RSPH3: variants seen among roughly 807,000 people sequenced by gnomAD.
RSPH3 encodes radial spoke head 3.
Under a neutral mutation model 43.8 loss-of-function variants are expected in RSPH3, and 21 were observed. The observed-to-expected ratio is 0.48, with a 90% confidence interval of 0.34 to 0.69. The LOEUF (loss-of-function observed/expected upper bound fraction) is 0.69. Ranked by LOEUF, RSPH3 falls within the 30% of genes least tolerant of loss-of-function variation. RSPH3 has a pLI of 0.01. For synonymous variants in RSPH3, 173 were observed against 179.8 expected, an observed-to-expected ratio of 0.96 and a Z score of 0.30; for missense variants, 487 against 516.0, an observed-to-expected ratio of 0.94 and a Z score of 0.54.
intron 2 of RSPH3, among the ~76,000 whole-genome samples, chr6:158,990,009 G>A (rs150936805): frequency 0.011 from 1,627 of 152,172 alleles, 25 homozygotes; most frequent in African/African-American, 0.036. Context: ...AGAGAGACTG[G>A]CCTAGCCCCC....
intron 2 of RSPH3, among the ~76,000 whole-genome samples, chr6:158,992,457 G>T (rs373402423): frequency 1.1e-3 from 144 of 127,892 alleles, no homozygotes; most frequent in East Asian, 8.3e-3. Flanking sequence ...TTTTTGTGGG[G>T]TTTTTTTTTT....
intron 6 of RSPH3, among the ~76,000 whole-genome samples, chr6:158,980,385 C>A (rs1000789900): frequency 6.6e-6 from 1 of 151,192 alleles, no homozygotes; most frequent in African/African-American, 2.4e-5. Context: ...GCCAAGATTG[C>A]GCCACTACAC....
At chr6:158,979,814 T>G (rs1562559075) in intron 6 of RSPH3, among the ~76,000 whole-genome samples, 1 of 151,900 alleles carries the variant, frequency 6.6e-6, no homozygotes. Context: ...CTGAGGAAGG[T>G]GGGTGGTGGT....
chr6:158,999,776 C>A lies in RSPH3; in HGVS notation c.-226G>T. 6.2e-7 allele frequency: 1 copy of A among 1,611,500 alleles called. No homozygotes were observed. Among genetic ancestry groups the A allele is most frequent in the Non-Finnish European group, 8.5e-7 (1 of 1,178,250 alleles). ...CACCACAGAGACCAGCTGCGGGGGC[C>A]GCATCGGTTGCCCAGCAACCCAGGG... On this transcript the variant is annotated 5_prime_UTR_variant, in exon 1 of 8. Transcript: ENST00000367069.
intron 2 of RSPH3, among the ~76,000 whole-genome samples, chr6:158,990,949 A>G (rs993185303): frequency 7.4e-6 from 1 of 134,536 alleles, no homozygotes; most frequent in African/African-American, 2.8e-5. Context: ...TTCTTCATTG[A>G]TTCTTCTTCA....
intron 7 of RSPH3, 80 bp from the exon 8 acceptor site, chr6:158,977,928 T>C (rs1777904842): frequency 1.6e-6 from 2 of 1,277,868 alleles, no homozygotes; most frequent in Non-Finnish European, 2.2e-6. Flanking sequence ...CACTTATAGA[T>C]GATTACAAAA....
At chr6:158,991,894 A>T (rs1333019467) in intron 2 of RSPH3, among the ~76,000 whole-genome samples, 1 of 152,222 alleles carries the variant, frequency 6.6e-6, no homozygotes, top group East Asian at 1.9e-4. Flanking sequence ...CTTTATGATG[A>T]TACAAAAGTA....
Position 158,989,252 on chromosome 6 carries a change from G to T in RSPH3, c.205-2831C>A, listed in dbSNP as rs765011529. ...AGTAGACGTGGGGTTTCATCATATTGGTCAGGCTGGTCTCGAACTAATGAC... is the reference window on the plus strand; with the variant it reads ...AGTAGACGTGGGGTTTCATCATATTTGTCAGGCTGGTCTCGAACTAATGAC... On this transcript the variant is annotated intron_variant, in intron 2 of 7. Coordinates refer to ENST00000367069, the MANE Select transcript of RSPH3 (RefSeq NM_031924.8). This position sits in a 1 kb window ranked among gnomAD's most constrained non-coding sequence, Gnocchi z 4.3. 2.0e-5 allele frequency among the ~76,000 whole-genome samples: 3 copies of T among 152,056 alleles called. No individual in the cohort carries two copies. The highest frequency in any genetic ancestry group is 2.9e-5 in the Non-Finnish European group (2 of 67,994).
chr6:158,999,517 C>T lies in RSPH3; in HGVS notation c.34G>A (p.Ala12Thr), dbSNP rs1165772284. 3 of 1,547,364 alleles carry T rather than the reference C, an allele frequency of 1.9e-6. No homozygotes were observed. Among genetic ancestry groups the T allele is most frequent in the Non-Finnish European group, 2.6e-6 (3 of 1,140,754 alleles). The stretch of plus-strand genomic sequence containing the variant: ...CTGGTGTAGGTGTAGGTGCTCGGGG[C>T]CCGAGAGGTGCGATCAGTCAGCGCT... ...ASALTDRTSR[A>T]PSTYTYTSRP... Residue 12 changes from alanine to threonine, a missense_variant, in exon 1 of 8, where the codon GCC becomes ACC. Ala to Thr is a moderately conservative substitution (Grantham distance 58, BLOSUM62 0). Transcript: ENST00000367069.
At chr6:158,983,867 T>C (rs1194744147) in intron 3 of RSPH3, 60 bp from the exon 4 acceptor site, 3 of 1,212,490 alleles carry the variant, frequency 2.5e-6, no homozygotes, top group Admixed American at 3.5e-5. Flanking sequence ...GGCATGGTAG[T>C]TCATGCCCAT....
rs1410851837 is a variant in RSPH3, at chr6:158,973,004, C to CTTATAACA, written c.*4526_*4533dup. On this transcript the variant is annotated 3_prime_UTR_variant, in exon 8 of 8. Transcript: ENST00000367069. ...CTACTTTCACAATAGTGACACCCCA[C>CTTATAACA]TTATAACACTCTTTTTTGGGTCTCT... 2 of 152,214 alleles carry CTTATAACA rather than the reference C, an allele frequency of 1.3e-5. No homozygotes were observed. The highest frequency in any genetic ancestry group is 2.4e-5 in the African/African-American group (1 of 41,458). The allele number at this position is 152,214 out of a possible 1,614,324, so 9.4% of individuals were successfully genotyped here.
chr6:158,971,381 A>G (rs569882636), downstream of RSPH3, among the ~76,000 whole-genome samples: 2 of 152,298 alleles, frequency 1.3e-5, no homozygotes, highest in South Asian at 2.1e-4. Context: ...CTGCATTCAC[A>G]TTGCTTTTAT....
the RSPH3 span, among the ~76,000 whole-genome samples, chr6:158,964,373 G>A: frequency 6.6e-6 from 1 of 152,162 alleles, no homozygotes; most frequent in South Asian, 2.1e-4. Flanking sequence ...TCTGTATTGT[G>A]ATTGTATGGT....
chr6:158,981,395 C>T (rs116658221), intron 5 of RSPH3, among the ~76,000 whole-genome samples: 7 of 151,998 alleles, frequency 4.6e-5, no homozygotes, highest in Non-Finnish European at 1.0e-4. Flanking sequence ...TCCTTTAGAC[C>T]ATGTAATATT....
rs1377719357 is a variant in RSPH3 at position 158,976,623 on chromosome 6, T to C, written c.*915A>G. ...ACCTTTGAGGAGGGGAGTGAGACTG[T>C]ATGAGGGCAAACAGGGACTTTTGCT... On this transcript the variant is annotated 3_prime_UTR_variant, in exon 8 of 8. Coordinates refer to ENST00000367069, the MANE Select transcript of RSPH3 (RefSeq NM_031924.8). The C allele has an allele frequency of 1.3e-5, 2 of 152,138 alleles. No homozygotes were observed. Among genetic ancestry groups the C allele is most frequent in the Non-Finnish European group, 2.9e-5 (2 of 68,026 alleles). The allele number at this position is 152,138 out of a possible 1,614,324, so 9.4% of individuals were successfully genotyped here.
At chr6:158,984,434 T>TTA (rs55999313) in intron 3 of RSPH3, among the ~76,000 whole-genome samples, 3,569 of 63,300 alleles carry the variant, frequency 0.056, 119 homozygotes, top group Non-Finnish European at 0.062. Context: ...AAAAAGTCAA[T>TTA]TATATATATA....
Position 158,999,946 on chromosome 6 carries a change from G to C in RSPH3, c.-396C>G, listed in dbSNP as rs1554291758. ...CTGCGCTTTGCGAGGTTCCTGGCTAGGGAGGCGGCCTTGGCTGGCTTGACC... is the reference window on the plus strand; with the variant it reads ...CTGCGCTTTGCGAGGTTCCTGGCTACGGAGGCGGCCTTGGCTGGCTTGACC... On this transcript the variant is annotated 5_prime_UTR_variant, in exon 1 of 8. Coordinates refer to ENST00000367069, the MANE Select transcript of RSPH3 (RefSeq NM_031924.8). 2 of 1,607,326 alleles carry C rather than the reference G, an allele frequency of 1.2e-6. No individual in the cohort carries two copies. Among genetic ancestry groups the C allele is most frequent in the African/African-American group, 1.3e-5 (1 of 74,988 alleles).
rs188776941 is a variant in RSPH3, at chr6:158,987,365, A to G, written c.205-944T>C. Among the ~76,000 whole-genome samples, 266 of 152,158 alleles carry G rather than the reference A, an allele frequency of 1.7e-3. 1 individual carries two copies. Among genetic ancestry groups the G allele is most frequent in the African/African-American group, 6.1e-3 (254 of 41,522 alleles). On this transcript the variant is annotated intron_variant, in intron 2 of 7. Transcript: ENST00000367069. Reference sequence around the variant, plus strand: ...AGTCTATGTGTGTCTCTGTAGGTGAAGTGGGTTTCTTGAAGGAGCATATAG... The same window carrying G: ...AGTCTATGTGTGTCTCTGTAGGTGAGGTGGGTTTCTTGAAGGAGCATATAG...
intron 5 of RSPH3, 29 bp downstream of exon 5, chr6:158,982,456 C>T: frequency 6.8e-7 from 1 of 1,472,700 alleles, no homozygotes; most frequent in Non-Finnish European, 9.2e-7. Context: ...CAAAAGACTG[C>T]CTAAGAAAGA....
Sources: allele counts gnomAD v4.1 joint callset (sites outside exome capture counted in the v4.1 genomes callset), GRCh38; gene constraint gnomAD v4.1.1; non-coding constraint Gnocchi (gnomAD v3.1); transcripts MANE v1.5; gene names NCBI Gene and HGNC (gene_info 2026-07-23, HGNC 2026-07-21).